PTPRD: variants seen among roughly 807,000 people sequenced by gnomAD.
PTPRD encodes receptor-type tyrosine-protein phosphatase delta.
PTPRD carries 34 observed loss-of-function variants against 214.5 expected under a neutral mutation model. The ratio of observed to expected loss-of-function variants is 0.16; its 90% confidence interval spans 0.12 to 0.21. The LOEUF (loss-of-function observed/expected upper bound fraction) is 0.21, where lower values mean the gene tolerates loss of function less well. PTPRD is among the 10% of genes least tolerant of loss of function. The pLI, the probability that PTPRD is intolerant of heterozygous loss-of-function variation, is 1.00. For missense variants in PTPRD, 2,545 were observed against 2,398.7 expected (o/e 1.06, Z -1.27); for synonymous variants, 1,128 against 845.7 (o/e 1.33, Z -5.79).
chr9:10,590,907 T>A, intron 2 of PTPRD, among the ~76,000 whole-genome samples: 1 of 150,182 alleles, frequency 6.7e-6, no homozygotes, highest in African/African-American at 2.4e-5. Context: ...ATATAAAATA[T>A]ATATAAATTA....
At chr9:8,833,640 A>G (rs377172630) in intron 11 of PTPRD, among the ~76,000 whole-genome samples, 1 of 151,110 alleles carries the variant, frequency 6.6e-6, no homozygotes, top group African/African-American at 2.4e-5. Flanking sequence ...TGCAATCTTA[A>G]TAACAGGCAC....
chr9:9,371,073 CTTTT>C (rs2059361457), intron 9 of PTPRD, among the ~76,000 whole-genome samples: 1 of 138,712 alleles, frequency 7.2e-6, no homozygotes, highest in Non-Finnish European at 1.5e-5. Context: ...CTAAAATTCT[CTTTT>C]TTTGTTTTTT....
At chr9:10,454,909 G>A (rs963939271) in intron 2 of PTPRD, among the ~76,000 whole-genome samples, 1 of 151,614 alleles carries the variant, frequency 6.6e-6, no homozygotes, top group Non-Finnish European at 1.5e-5. Flanking sequence ...TGTACTGAGT[G>A]CAGACAAAAA....
At chr9:9,883,594 A>G (rs1440801524) in intron 5 of PTPRD, among the ~76,000 whole-genome samples, 1 of 152,126 alleles carries the variant, frequency 6.6e-6, no homozygotes, top group Non-Finnish European at 1.5e-5. Context: ...TCTTTTACCA[A>G]AGTCAGGCAA....
intron 3 of PTPRD, among the ~76,000 whole-genome samples, chr9:10,301,109 G>T (rs969008343): frequency 2.6e-5 from 4 of 152,134 alleles, no homozygotes; most frequent in Admixed American, 1.3e-4. Context: ...CTCTGCTGGT[G>T]ATACCCAGGC....
chr9:10,144,554 C>A (rs1290045814), intron 3 of PTPRD, among the ~76,000 whole-genome samples: 1 of 152,048 alleles, frequency 6.6e-6, no homozygotes, highest in Non-Finnish European at 1.5e-5. Context: ...TATCCAGCAA[C>A]ACTCTGCTGC....
At chr9:9,748,408 C>G (rs77792512) in intron 6 of PTPRD, among the ~76,000 whole-genome samples, 2 of 152,062 alleles carry the variant, frequency 1.3e-5, no homozygotes, top group African/African-American at 4.8e-5. Flanking sequence ...GCTATTGCTA[C>G]GTGCATTAAC....
rs372432082 is a variant in PTPRD, at chr9:9,718,147, C to A, written c.-287+16386G>T. Among the ~76,000 whole-genome samples the A allele has an allele frequency of 3.3e-3, 500 of 152,140 alleles. 4 individuals carry two copies. The highest frequency in any genetic ancestry group is 0.011 in the African/African-American group (470 of 41,502). Reference sequence around the variant, plus strand: ...TATCAAGAAATAGACACAAATACAACAAATACTTGAGTTATACATTGGCTT... The same window carrying A: ...TATCAAGAAATAGACACAAATACAAAAAATACTTGAGTTATACATTGGCTT... On this transcript the variant is annotated intron_variant, in intron 7 of 45. Coordinates refer to ENST00000381196, the MANE Select transcript of PTPRD (RefSeq NM_002839.4).
At chr9:10,222,481 A>G (rs1270851639) in intron 3 of PTPRD, among the ~76,000 whole-genome samples, 1 of 152,106 alleles carries the variant, frequency 6.6e-6, no homozygotes, top group Non-Finnish European at 1.5e-5. Flanking sequence ...TTTAATTCCA[A>G]CAAAGCTGGC....
intron 4 of PTPRD, among the ~76,000 whole-genome samples, chr9:9,954,471 G>A (rs2093735262): frequency 6.6e-6 from 1 of 151,572 alleles, no homozygotes. Context: ...AATACTTCTT[G>A]TAAGAGAACT....
intron 11 of PTPRD, among the ~76,000 whole-genome samples, chr9:8,775,275 C>G (rs111576430): frequency 6.6e-6 from 1 of 152,164 alleles, no homozygotes; most frequent in Non-Finnish European, 1.5e-5. Context: ...TGTTTACTTT[C>G]TCAGCAAGAA....
chr9:8,339,843 A>T, intron 42 of PTPRD, among the ~76,000 whole-genome samples: 1 of 140,218 alleles, frequency 7.1e-6, no homozygotes, highest in East Asian at 1.9e-4. Flanking sequence ...TTCAAAAAAA[A>T]ACAAACCACT....
At chr9:10,590,069 T>TGAGG (rs1403236252) in intron 2 of PTPRD, among the ~76,000 whole-genome samples, 2 of 151,994 alleles carry the variant, frequency 1.3e-5, no homozygotes, top group East Asian at 3.9e-4. Flanking sequence ...ACCATGTCAA[T>TGAGG]GAGGTGAAAA....
chr9:8,415,040 G>T (rs770329876), intron 35 of PTPRD, among the ~76,000 whole-genome samples: 1 of 151,954 alleles, frequency 6.6e-6, no homozygotes, highest in Non-Finnish European at 1.5e-5. Flanking sequence ...ATGGATAGGT[G>T]GGTGGGAAAA....
rs189130511 is a variant in PTPRD, at chr9:9,050,784, G to A, written c.-142-32049C>T. 1.1e-4 allele frequency among the ~76,000 whole-genome samples: 16 copies of A among 152,092 alleles called. No individual in the cohort carries two copies. In the East Asian group the frequency reaches 2.1e-3, roughly 20 times the overall value. ...ACTCATTTTATCTTTATTAAAGTTCGTTGTTATAATTGTTCTATTTTATTA... is the reference window on the plus strand; with the variant it reads ...ACTCATTTTATCTTTATTAAAGTTCATTGTTATAATTGTTCTATTTTATTA... On this transcript the variant is annotated intron_variant, in intron 10 of 45. Coordinates refer to ENST00000381196, the MANE Select transcript of PTPRD (RefSeq NM_002839.4).
chr9:9,603,825 A>G (rs542012943), intron 7 of PTPRD, among the ~76,000 whole-genome samples: 1 of 146,418 alleles, frequency 6.8e-6, no homozygotes, highest in East Asian at 2.0e-4. Flanking sequence ...TAGTAAGAGT[A>G]AAAATCTGTG....
At chr9:9,428,042 G>C (rs1031389068) in intron 8 of PTPRD, among the ~76,000 whole-genome samples, 3 of 152,106 alleles carry the variant, frequency 2.0e-5, no homozygotes, top group Non-Finnish European at 2.9e-5. Flanking sequence ...ATAATGACAG[G>C]ATCAAATTCA....
chr9:10,468,964 T>C (rs2099012632), intron 2 of PTPRD, among the ~76,000 whole-genome samples: 1 of 152,026 alleles, frequency 6.6e-6, no homozygotes, highest in African/African-American at 2.4e-5. Flanking sequence ...TAGAAGTAAG[T>C]GAATTAGAAA....
At position 9,895,599 on chromosome 9, in the gene PTPRD, G is replaced by C. The variant is rs1036256544; in HGVS notation, c.-368+42908C>G. Among the ~76,000 whole-genome samples the C allele has an allele frequency of 5.3e-5, 8 of 152,106 alleles. No individual in the cohort carries two copies. In the East Asian group the frequency reaches 1.5e-3, roughly 29 times the overall value. On this transcript the variant is annotated intron_variant, in intron 5 of 45. Coordinates refer to ENST00000381196, the MANE Select transcript of PTPRD (RefSeq NM_002839.4). ...CAGAATCCACGATGGTTACAGGAGA[G>C]GGAGGGTTTGGAAAATGATGGTCAA... is the stretch of plus-strand genomic sequence containing the variant.
Sources: gnomAD v4.1 joint callset for allele counts (sites outside exome capture counted in the v4.1 genomes callset) on GRCh38, gnomAD v4.1.1 for gene constraint, MANE v1.5 for transcripts, NCBI Gene and HGNC (gene_info 2026-07-23, HGNC 2026-07-21) for gene names.